CARS2: variants seen among roughly 807,000 people sequenced by gnomAD.
CARS2 encodes probable cysteine--tRNA ligase, mitochondrial.
A neutral mutation model predicts 68.8 loss-of-function variants in CARS2; 52 were observed. The ratio of observed to expected loss-of-function variants is 0.76; its 90% CI spans 0.61 to 0.95. The LOEUF is 0.95. CARS2 is among the 40% of genes least tolerant of loss of function. The pLI is 0.00. For missense variants in CARS2, 780 were observed against 754.2 expected (o/e 1.03, Z -0.40); for synonymous variants, 314 against 303.6 (o/e 1.03, Z -0.36).
At chr13:110,695,801 A>C (rs1461468959) in intron 3 of CARS2, among the ~76,000 whole-genome samples, 4 of 150,158 alleles carry the variant, frequency 2.7e-5, no homozygotes, top group African/African-American at 7.4e-5. Flanking sequence ...ATTATACTTT[A>C]AGTTCTGGGA....
chr13:110,663,596 A>G (rs537727259), intron 8 of CARS2, 78 bp from the exon 9 acceptor site: 1 of 1,574,038 alleles, frequency 6.4e-7, no homozygotes, highest in South Asian at 1.2e-5. Context: ...GCTCCCCAGG[A>G]AACGAATGGG....
chr13:110,654,547 T>C (rs2062311243), intron 9 of CARS2, among the ~76,000 whole-genome samples: 1 of 151,328 alleles, frequency 6.6e-6, no homozygotes, highest in Admixed American at 6.6e-5. Context: ...CACCAGTAAA[T>C]ACATATAGAC....
intron 10 of CARS2, chr13:110,650,512 GAGCCA>G (rs2062176119): frequency 6.5e-6 from 1 of 152,874 alleles, no homozygotes; most frequent in Non-Finnish European, 1.5e-5. Flanking sequence ...TCATACACGT[GAGCCA>G]CCATGCCAGG....
Position 110,641,470 on chromosome 13 carries a change from T to TA in CARS2, c.*66dup. Reference sequence around the variant, plus strand: ...GCAGCCCCGACAGGAAGCTTTAACATAAAGCCTTGACCCTGAGAAGCATGG... The same window carrying TA: ...GCAGCCCCGACAGGAAGCTTTAACATAAAAGCCTTGACCCTGAGAAGCATGG... On this transcript the variant is annotated 3_prime_UTR_variant, in exon 15 of 15. Coordinates refer to ENST00000257347, the MANE Select transcript of CARS2 (RefSeq NM_024537.4). 1 of 1,314,560 alleles carries TA rather than the reference T, an allele frequency of 7.6e-7. No homozygotes were observed. The highest frequency in any genetic ancestry group is 1.1e-6 in the Non-Finnish European group (1 of 906,596). 81.4% of individuals were successfully genotyped at this position (1,314,560 alleles called of 1,614,324 possible).
At chr13:110,645,773 G>A (rs1349881635) in intron 12 of CARS2, 194 bp downstream of exon 12, 9 of 642,050 alleles carry the variant, frequency 1.4e-5, no homozygotes, top group South Asian at 7.0e-5. Context: ...CCTGAGGCCC[G>A]GGAGGGTCAA....
rs1232583892 is a variant in CARS2, at chr13:110,676,175, T to C, written c.785+799A>G. ...GTCTCAAAACAAAAAAACAGGAACA[T>C]GAAACTAACTGTGGCGAGCCCCATG... is the stretch of plus-strand genomic sequence containing the variant. On this transcript the variant is annotated intron_variant, in intron 7 of 14. Coordinates refer to ENST00000257347, the MANE Select transcript of CARS2 (RefSeq NM_024537.4). This position sits in a 1 kb window ranked among gnomAD's most constrained non-coding sequence, Gnocchi z 4.0. 2.6e-5 allele frequency among the ~76,000 whole-genome samples: 4 copies of C among 152,016 alleles called. No homozygotes were observed. The highest frequency in any genetic ancestry group is 7.2e-5 in the African/African-American group (3 of 41,384).
chr13:110,665,032 C>T lies in CARS2; in HGVS notation c.920-1514G>A, dbSNP rs922312862. ...ACTTAGCTCTTCCATCCACTGGGTA[C>T]AGGAGAACAGGTGTCACTTCTCCTG... On this transcript the variant is annotated intron_variant, in intron 8 of 14. Transcript: ENST00000257347. This position sits in a 1 kb window ranked among gnomAD's most constrained non-coding sequence, Gnocchi z 4.3. 2.0e-6 allele frequency: 2 copies of T among 985,422 alleles called. No homozygotes were observed. The highest frequency in any genetic ancestry group is 2.4e-6 in the Non-Finnish European group (2 of 829,942). 61.0% of individuals were successfully genotyped at this position (985,422 alleles called of 1,614,324 possible).
Position 110,705,759 on chromosome 13 carries a change from C to T in CARS2, c.224+111G>A, listed in dbSNP as rs2063925739. 1 of 1,534,670 alleles carries T rather than the reference C, an allele frequency of 6.5e-7. No individual in the cohort carries two copies. ...CGCGCACCCCCAGCTTCTAGAACGGCGCCCTCCATGCAGCTTCCTAAACGC... is the reference window on the plus strand; with the variant it reads ...CGCGCACCCCCAGCTTCTAGAACGGTGCCCTCCATGCAGCTTCCTAAACGC... On this transcript the variant is annotated intron_variant, in intron 1 of 14. Coordinates refer to ENST00000257347, the MANE Select transcript of CARS2 (RefSeq NM_024537.4). This position sits in a 1 kb window ranked among gnomAD's most constrained non-coding sequence, Gnocchi z 4.0.
At chr13:110,674,404 A>G (rs1228901927) in intron 7 of CARS2, among the ~76,000 whole-genome samples, 1 of 135,306 alleles carries the variant, frequency 7.4e-6, no homozygotes, top group Non-Finnish European at 1.7e-5. Flanking sequence ...GCCCTCAGAA[A>G]TAATACCACA....
chr13:110,656,071 C>T (rs2062358472), intron 9 of CARS2, among the ~76,000 whole-genome samples: 1 of 152,074 alleles, frequency 6.6e-6, no homozygotes, highest in African/African-American at 2.4e-5. Flanking sequence ...TTTGGGAGGC[C>T]GAGGCAGGTG....
At chr13:110,666,730 A>G (rs1439642848) in intron 8 of CARS2, 2 of 985,328 alleles carry the variant, frequency 2.0e-6, no homozygotes, top group South Asian at 4.7e-5. Context: ...TCCAAATCCT[A>G]TCACTACCAA....
rs142925085 is a variant in CARS2, at chr13:110,687,755, G to A, written c.537C>T (p.Ile179=). The change falls in exon 5 of 15, where the codon ATC becomes ATT. Residue 179 remains isoleucine, a synonymous_variant. Coordinates refer to ENST00000257347, the MANE Select transcript of CARS2 (RefSeq NM_024537.4). ...IPQIISFIEG[I]IARGNAYSTA... ...TTGAATAAGCGTTCCCACGAGCAAT[G>A]ATTCCTTCAATGAAAGAAATTATCT... 8 of 1,610,824 alleles carry A rather than the reference G, an allele frequency of 5.0e-6. No individual in the cohort carries two copies. The highest frequency in any genetic ancestry group is 1.1e-5 in the South Asian group (1 of 90,974).
At chr13:110,686,299 T>C (rs1278945544) in intron 5 of CARS2, among the ~76,000 whole-genome samples, 3 of 150,754 alleles carry the variant, frequency 2.0e-5, no homozygotes, top group African/African-American at 7.3e-5. Flanking sequence ...TGGTGTGCAG[T>C]GGGACAATCA....
At chr13:110,655,589 GA>G (rs2062344666) in intron 9 of CARS2, among the ~76,000 whole-genome samples, 1 of 152,242 alleles carries the variant, frequency 6.6e-6, no homozygotes, top group Non-Finnish European at 1.5e-5. Context: ...CCTGCTCCGA[GA>G]AAACTAACCG....
chr13:110,652,501 C>A (rs1434430478), intron 9 of CARS2, among the ~76,000 whole-genome samples: 1 of 152,194 alleles, frequency 6.6e-6, no homozygotes, highest in Non-Finnish European at 1.5e-5. Context: ...AGCGGCCTCG[C>A]CCACCCAGTA....
Position 110,687,468 on chromosome 13 carries a change from G to T in CARS2, c.571+253C>A, listed in dbSNP as rs141903932. Among the ~76,000 whole-genome samples the T allele has an allele frequency of 2.0e-3, 301 of 152,230 alleles. 3 individuals are homozygous for T. Among genetic ancestry groups the T allele is most frequent in the African/African-American group, 6.9e-3 (285 of 41,538 alleles). The stretch of plus-strand genomic sequence containing the variant: ...GTGGATCACAAGGTCAGGAGTTTGA[G>T]ACCAGCTTGGCCAACATGGTGAAAC... On this transcript the variant is annotated intron_variant, in intron 5 of 14. Transcript: ENST00000257347.
intron 3 of CARS2, 49 bp from the exon 4 acceptor site, chr13:110,688,067 C>G (rs1241259009): frequency 7.0e-6 from 9 of 1,282,436 alleles, no homozygotes; most frequent in Non-Finnish European, 1.0e-5. Flanking sequence ...GCATTCGCAA[C>G]AGAACCACCC....
intron 3 of CARS2, among the ~76,000 whole-genome samples, chr13:110,699,438 C>A (rs1249461661): frequency 6.6e-6 from 1 of 152,184 alleles, no homozygotes; most frequent in Non-Finnish European, 1.5e-5. Flanking sequence ...TAGAACATTT[C>A]CACTGTAACA....
chr13:110,683,140 T>C lies in CARS2; in HGVS notation c.572-6A>G. The stretch of plus-strand genomic sequence containing the variant: ...CAGATCGAAGTAGACATTGCCTGTT[T>C]ATAAAGACAATTATGAATTCATCAC... On this transcript the variant is annotated splice_region_variant and splice_polypyrimidine_tract_variant and intron_variant, in intron 5 of 14. Coordinates refer to ENST00000257347, the MANE Select transcript of CARS2 (RefSeq NM_024537.4). 6.4e-7 allele frequency: 1 copy of C among 1,566,104 alleles called. No homozygotes were observed. The highest frequency in any genetic ancestry group is 1.4e-5 in the African/African-American group (1 of 72,416).
Sources: gnomAD v4.1 joint callset for allele counts (sites outside exome capture counted in the v4.1 genomes callset) on GRCh38, gnomAD v4.1.1 for gene constraint, Gnocchi (gnomAD v3.1) non-coding constraint, MANE v1.5 for transcripts, NCBI Gene and HGNC (gene_info 2026-07-23, HGNC 2026-07-21) for gene names.